TSPAN12: variants seen among roughly 807,000 people sequenced by gnomAD.
TSPAN12 encodes tetraspanin-12.
A neutral mutation model predicts 39.2 loss-of-function variants in TSPAN12; 19 were observed. The ratio of observed to expected loss-of-function variants is 0.49; its 90% CI spans 0.34 to 0.71. The LOEUF is 0.71. Among genes scored for constraint, TSPAN12 ranks in the 30% least tolerant of loss-of-function variants. The pLI is 0.01. For synonymous variants in TSPAN12, 119 were observed against 124.8 expected, an observed-to-expected ratio of 0.95 and a Z score of 0.31; for missense variants, 314 against 359.9, an observed-to-expected ratio of 0.87 and a Z score of 1.03.
rs1357257569 is a variant in TSPAN12, at chr7:120,857,512, CG to C, written c.-71+307del. ...TTAGCCTGGGACAGTGGGCGGGGGGCGGGGGGCGCCGGGGAATTAGGGCCGA... is the reference window on the plus strand; with the variant it reads ...TTAGCCTGGGACAGTGGGCGGGGGGCGGGGGCGCCGGGGAATTAGGGCCGA... On this transcript the variant is annotated intron_variant, in intron 1 of 7. Coordinates refer to ENST00000222747, the MANE Select transcript of TSPAN12 (RefSeq NM_012338.4). 8.9e-5 allele frequency among the ~76,000 whole-genome samples: 12 copies of C among 135,540 alleles called. 1 individual carries two copies. The highest frequency in any genetic ancestry group is 7.2e-4 in the South Asian group (3 of 4,138). 88.9% of individuals were successfully genotyped at this position (135,540 alleles called of 152,430 possible).
chr7:120,795,386 C>G (rs1185860342), intron 7 of TSPAN12, among the ~76,000 whole-genome samples: 1 of 152,116 alleles, frequency 6.6e-6, no homozygotes, highest in African/African-American at 2.4e-5. Flanking sequence ...AGAAAAATCA[C>G]AAATCCCCTA....
chr7:120,800,756 T>G (rs1456441351), intron 7 of TSPAN12, among the ~76,000 whole-genome samples: 2 of 145,256 alleles, frequency 1.4e-5, no homozygotes, highest in African/African-American at 2.5e-5. Context: ...TTTTTTTTGT[T>G]TTTTTTTTTT....
At chr7:120,840,519 G>A (rs986933797) in intron 2 of TSPAN12, among the ~76,000 whole-genome samples, 2 of 152,040 alleles carry the variant, frequency 1.3e-5, no homozygotes, top group East Asian at 1.9e-4. Flanking sequence ...AATTTAAAAC[G>A]ACTTCTATTG....
chr7:120,792,750 G>A (rs1044529063), intron 7 of TSPAN12, among the ~76,000 whole-genome samples: 18 of 152,170 alleles, frequency 1.2e-4, no homozygotes, highest in Admixed American at 8.5e-4. Context: ...CCATCGAACC[G>A]ACAAATAAAC....
At chr7:120,856,603 T>A in intron 2 of TSPAN12, 95 bp downstream of exon 2, 8 of 1,271,418 alleles carry the variant, frequency 6.3e-6, no homozygotes, top group Non-Finnish European at 9.2e-6. Flanking sequence ...ATGTAATTAA[T>A]TAATGCTTAG....
intron 4 of TSPAN12, among the ~76,000 whole-genome samples, chr7:120,816,486 G>A (rs1562943972): frequency 6.6e-6 from 1 of 152,022 alleles, no homozygotes; most frequent in African/African-American, 2.4e-5. Flanking sequence ...GAACAAAGAA[G>A]AGAAGAGAGA....
intron 4 of TSPAN12, among the ~76,000 whole-genome samples, chr7:120,824,860 A>T (rs1794255000): frequency 6.6e-6 from 1 of 152,216 alleles, no homozygotes; most frequent in Non-Finnish European, 1.5e-5. Context: ...GAAAGTATTA[A>T]ACTTGGTAAA....
intron 4 of TSPAN12, among the ~76,000 whole-genome samples, chr7:120,835,070 AT>A (rs1562949776): frequency 6.6e-6 from 1 of 152,222 alleles, no homozygotes; most frequent in Non-Finnish European, 1.5e-5. Context: ...TTATTCAATG[AT>A]TTAATAAACA....
chr7:120,799,858 T>A (rs1188923056), intron 7 of TSPAN12, among the ~76,000 whole-genome samples: 1 of 140,552 alleles, frequency 7.1e-6, no homozygotes, highest in African/African-American at 2.6e-5. Context: ...AATTTAATAA[T>A]TAATATGATA....
At chr7:120,846,059 G>A (rs983827247) in intron 2 of TSPAN12, among the ~76,000 whole-genome samples, 1 of 152,202 alleles carries the variant, frequency 6.6e-6, no homozygotes, top group African/African-American at 2.4e-5. Flanking sequence ...CAAACATGGT[G>A]GAAGGGGAAG....
At chr7:120,855,501 T>G (rs907139316) in intron 2 of TSPAN12, among the ~76,000 whole-genome samples, 1 of 152,232 alleles carries the variant, frequency 6.6e-6, no homozygotes, top group African/African-American at 2.4e-5. Flanking sequence ...CCAGGTAATT[T>G]AATGATTCAC....
intron 2 of TSPAN12, among the ~76,000 whole-genome samples, chr7:120,845,628 C>A (rs1320148459): frequency 6.6e-6 from 1 of 152,238 alleles, no homozygotes; most frequent in Non-Finnish European, 1.5e-5. Flanking sequence ...AACAATGCCA[C>A]AAGTCTCTTT....
chr7:120,799,864 T>C (rs934810088), intron 7 of TSPAN12, among the ~76,000 whole-genome samples: 2 of 140,538 alleles, frequency 1.4e-5, no homozygotes, highest in South Asian at 2.1e-4. Context: ...ATAATTAATA[T>C]GATATATTAC....
intron 4 of TSPAN12, among the ~76,000 whole-genome samples, chr7:120,838,367 T>C (rs1794517476): frequency 6.6e-6 from 1 of 152,154 alleles, no homozygotes; most frequent in Non-Finnish European, 1.5e-5. Flanking sequence ...GACAGGACCA[T>C]TACATACGTC....
At chr7:120,816,172 T>C (rs927477319) in intron 4 of TSPAN12, among the ~76,000 whole-genome samples, 2 of 152,144 alleles carry the variant, frequency 1.3e-5, no homozygotes, top group Non-Finnish European at 2.9e-5. Context: ...TTCAATGCTC[T>C]GCACCATGAG....
chr7:120,804,979 C>A (rs1014989821), intron 7 of TSPAN12, among the ~76,000 whole-genome samples: 1 of 152,076 alleles, frequency 6.6e-6, no homozygotes, highest in Admixed American at 6.6e-5. Flanking sequence ...CAGAAGGAAT[C>A]AACCCTGCTG....
At chr7:120,844,474 CT>C (rs1427744485) in intron 2 of TSPAN12, among the ~76,000 whole-genome samples, 2 of 152,218 alleles carry the variant, frequency 1.3e-5, no homozygotes, top group Non-Finnish European at 2.9e-5. Context: ...CAGTTAGTTA[CT>C]TCCAATATAC....
chr7:120,823,813 T>C (rs1450482854), intron 4 of TSPAN12, among the ~76,000 whole-genome samples: 4 of 152,196 alleles, frequency 2.6e-5, no homozygotes, highest in African/African-American at 9.7e-5. Context: ...CATAAGCTTT[T>C]TGGAACTAAA....
At chr7:120,803,190 G>A (rs1346291534) in intron 7 of TSPAN12, among the ~76,000 whole-genome samples, 3 of 152,150 alleles carry the variant, frequency 2.0e-5, no homozygotes, top group Non-Finnish European at 4.4e-5. Context: ...GGATTTTGAT[G>A]AGCAAGGTCT....
Sources: allele counts gnomAD v4.1 joint callset (sites outside exome capture counted in the v4.1 genomes callset), GRCh38; gene constraint gnomAD v4.1.1; transcripts MANE v1.5; gene names NCBI Gene and HGNC (gene_info 2026-07-23, HGNC 2026-07-21).